The following PRELP variants were observed in gnomAD, a reference collection of about 807,000 sequenced individuals.
PRELP encodes the protein prolargin.
Under a neutral mutation model 22.8 loss-of-function variants are expected in PRELP, and 16 were observed. The observed-to-expected ratio is 0.70, with a 90% CI of 0.47 to 1.06. The LOEUF is 1.06. Among genes scored for constraint, PRELP ranks in the 50% least tolerant of loss-of-function variants. The pLI is 0.00. For synonymous variants in PRELP, 233 were observed against 211.4 expected (o/e 1.10, Z -0.89); for missense variants, 434 against 485.2 (o/e 0.89, Z 0.99).
Position 203,483,076 on chromosome 1 carries a change from G to C in PRELP, c.-16-93G>C, listed in dbSNP as rs537833335. The C allele has an allele frequency of 2.9e-6, 3 of 1,038,158 alleles. No individual in the cohort carries two copies. Among genetic ancestry groups the C allele is most frequent in the Non-Finnish European group, 4.3e-6 (3 of 705,620 alleles). 64.3% of individuals were successfully genotyped at this position (1,038,158 alleles called of 1,614,324 possible). A position where few individuals can be genotyped will look rare whatever the true frequency, so the allele number is the denominator to read the frequency against. Reference sequence around the variant, plus strand: ...CCCTGAGCTCTGCCCATCTTCCCTAGAGCTCTAGTTCTGCCCAACTCTGGC... The same window carrying C: ...CCCTGAGCTCTGCCCATCTTCCCTACAGCTCTAGTTCTGCCCAACTCTGGC... On this transcript the variant is annotated intron_variant, in intron 1 of 2. Transcript: ENST00000343110. The surrounding 1 kb of genome is among the most constrained non-coding windows in gnomAD (Gnocchi z 4.4).
intron 1 of PRELP, among the ~76,000 whole-genome samples, chr1:203,479,706 CAAAAAAAAAAAAAAAAAAAA>C (rs397844598): frequency 1.9e-5 from 1 of 52,490 alleles, no homozygotes; most frequent in Non-Finnish European, 3.5e-5. Flanking sequence ...CCTGTATCAC[CAAAAAAAAAAAAAAAAAAAA>C]AAAAAAAAAA....
chr1:203,479,129 A>G (rs1455759747), intron 1 of PRELP, among the ~76,000 whole-genome samples: 2 of 152,164 alleles, frequency 1.3e-5, no homozygotes, highest in Non-Finnish European at 2.9e-5. Flanking sequence ...GTGACCAATT[A>G]GACAGGAGAT....
rs1558232125 is a variant in PRELP at position 203,483,674 on chromosome 1, G to A, written c.490G>A (p.Glu164Lys). The A allele has an allele frequency of 6.2e-7, 1 of 1,614,222 alleles. No homozygotes were observed. Among genetic ancestry groups the A allele is most frequent in the Middle Eastern group, 1.6e-4 (1 of 6,062 alleles). The change falls in exon 2 of 3, where the codon GAG (glutamate) becomes AAG (lysine). Residue 164 changes from glutamate (E) to lysine (K), a missense_variant. Transcript: ENST00000343110. This position sits in a 1 kb window ranked among gnomAD's most constrained non-coding sequence, Gnocchi z 4.4. ...CTACATGGAGAAGAACCAGTTGGAA[G>A]AGGTCCCCTCGGCCCTGCCCCGGAA... is the stretch of plus-strand genomic sequence containing the variant. ...FLYMEKNQLEEVPSALPRNLE... is the reference protein window; with the variant it reads ...FLYMEKNQLEKVPSALPRNLE...
chr1:203,482,954 G>A (rs759227765), intron 1 of PRELP, among the ~76,000 whole-genome samples: 3 of 152,016 alleles, frequency 2.0e-5, no homozygotes, highest in South Asian at 2.1e-4. Context: ...TCAACACATC[G>A]AGTGGCTAAG....
chr1:203,479,936 T>C (rs1660972074), intron 1 of PRELP, among the ~76,000 whole-genome samples: 1 of 152,012 alleles, frequency 6.6e-6, no homozygotes, highest in Admixed American at 6.6e-5. Context: ...GAATTGAAAT[T>C]AGAATTTAAA....
rs371424577 is a variant in PRELP at position 203,483,640 on chromosome 1, G to A, written c.456G>A (p.Leu152=). ...DQRVLEKLPG[L]VFLYMEKNQL... is the part of the protein sequence containing the mutation. ...GGGTGCTGGAGAAACTGCCCGGCCT[G>A]GTGTTCCTCTACATGGAGAAGAACC... is the stretch of plus-strand genomic sequence containing the variant. The change falls in exon 2 of 3, where the codon CTG becomes CTA. Residue 152 remains leucine, a synonymous_variant. Transcript: ENST00000343110. This position sits in a 1 kb window ranked among gnomAD's most constrained non-coding sequence, Gnocchi z 4.4. 1.1e-5 allele frequency: 18 copies of A among 1,614,056 alleles called. No homozygotes were observed. In the African/African-American group the frequency reaches 2.4e-4, roughly 22 times the overall value.
In PRELP at chr1:203,475,817, C is replaced by G. The variant is rs552849612; in HGVS notation, c.-138C>G. 1 of 151,544 alleles carries G rather than the reference C, an allele frequency of 6.6e-6. No homozygotes were observed. The highest frequency in any genetic ancestry group is 1.5e-5 in the Non-Finnish European group (1 of 67,962). The allele number at this position is 151,544 out of a possible 1,614,324, so 9.4% of individuals were successfully genotyped here. On this transcript the variant is annotated 5_prime_UTR_variant, in exon 1 of 3. Coordinates refer to ENST00000343110, the MANE Select transcript of PRELP (RefSeq NM_002725.4). ...AAGAAAAGTCAGGCAAACACAAGCA[C>G]GCACACACCACTGGGAGATCAGATC...
At chr1:203,482,129 C>T (rs78399510) in intron 1 of PRELP, among the ~76,000 whole-genome samples, 328 of 152,148 alleles carry the variant, frequency 2.2e-3, no homozygotes, top group Non-Finnish European at 3.8e-3. Flanking sequence ...TTAACCAGGA[C>T]GCTAAGGTTC....
chr1:203,483,631 G>T lies in PRELP; in HGVS notation c.447G>T (p.Leu149=), dbSNP rs779637195. 3 of 1,614,172 alleles carry T rather than the reference G, an allele frequency of 1.9e-6. No homozygotes were observed. The South Asian group carries it at 3.3e-5, about 18-fold the overall frequency. Residue 149 remains leucine, a synonymous_variant, in exon 2 of 3, where the codon CTG becomes CTT. Coordinates refer to ENST00000343110, the MANE Select transcript of PRELP (RefSeq NM_002725.4). This position sits in a 1 kb window ranked among gnomAD's most constrained non-coding sequence, Gnocchi z 4.4. ...RKIDQRVLEK[L]PGLVFLYMEK... ...TAGACCAGAGGGTGCTGGAGAAACTGCCCGGCCTGGTGTTCCTCTACATGG... is the reference window on the plus strand; with the variant it reads ...TAGACCAGAGGGTGCTGGAGAAACTTCCCGGCCTGGTGTTCCTCTACATGG...
rs548524380 is a variant in PRELP at position 203,487,050 on chromosome 1, G to A, written c.*169G>A. 8.8e-5 allele frequency: 67 copies of A among 765,278 alleles called. No homozygotes were observed. In the African/African-American group the frequency reaches 1.1e-3, roughly 12 times the overall value. 47.4% of individuals were successfully genotyped at this position (765,278 alleles called of 1,614,324 possible). A position where few individuals can be genotyped will look rare whatever the true frequency, so the allele number is the denominator to read the frequency against. On this transcript the variant is annotated 3_prime_UTR_variant, in exon 3 of 3. Coordinates refer to ENST00000343110, the MANE Select transcript of PRELP (RefSeq NM_002725.4). Reference sequence around the variant, plus strand: ...TCTATTCTTCTGCAGCCTCAGGAGCGAGACTTCAAGGACTCAGTTTGGTTC... The same window carrying A: ...TCTATTCTTCTGCAGCCTCAGGAGCAAGACTTCAAGGACTCAGTTTGGTTC...
At chr1:203,486,438 T>C (rs1426267063) in intron 2 of PRELP, among the ~76,000 whole-genome samples, 1 of 152,218 alleles carries the variant, frequency 6.6e-6, no homozygotes, top group Non-Finnish European at 1.5e-5. Flanking sequence ...CTACCTATTC[T>C]TGAAGGCCCA....
chr1:203,478,326 G>A (rs1234380603), intron 1 of PRELP, among the ~76,000 whole-genome samples: 1 of 152,112 alleles, frequency 6.6e-6, no homozygotes, highest in African/African-American at 2.4e-5. Context: ...GGGGGAATGG[G>A]GCAGAGGATA....
In PRELP at chr1:203,480,766, C is replaced by T. The variant is rs952727722; in HGVS notation, c.-16-2403C>T. 4.0e-5 allele frequency among the ~76,000 whole-genome samples: 6 copies of T among 149,534 alleles called. No homozygotes were observed. The South Asian group carries it at 6.2e-4, about 15-fold the overall frequency. Reference sequence around the variant, plus strand: ...CTCCTGGGAGCATTTCCTGGGGAACCTCCTGTTGGCTCTGGGAGCAGCTTG... The same window carrying T: ...CTCCTGGGAGCATTTCCTGGGGAACTTCCTGTTGGCTCTGGGAGCAGCTTG... On this transcript the variant is annotated intron_variant, in intron 1 of 2. Transcript: ENST00000343110.
In PRELP at chr1:203,483,995, A is replaced by G. The variant is rs758666053; in HGVS notation, c.811A>G (p.Ile271Val). The G allele has an allele frequency of 3.0e-5, 49 of 1,614,232 alleles. No homozygotes were observed. Among genetic ancestry groups the G allele is most frequent in the Middle Eastern group, 1.6e-4 (1 of 6,062 alleles). The change falls in exon 2 of 3, where the codon ATT (isoleucine) becomes GTT (valine). Residue 271 changes from isoleucine to valine, a missense_variant. Transcript: ENST00000343110. The surrounding 1 kb of genome is among the most constrained non-coding windows in gnomAD (Gnocchi z 4.4). The stretch of plus-strand genomic sequence containing the variant: ...CAAGAGCTTTCCCAATCTTGCCTTC[A>G]TTCGGCTTAACTACAACAAGCTGAC... ...YFKSFPNLAF[I>V]RLNYNKLTDR... is the part of the protein sequence containing the mutation.
At chr1:203,476,512 A>T (rs1403520450) in intron 1 of PRELP, among the ~76,000 whole-genome samples, 1 of 151,684 alleles carries the variant, frequency 6.6e-6, no homozygotes, top group Non-Finnish European at 1.5e-5. Flanking sequence ...TCTCACACAC[A>T]CCTCCCTAGC....
intron 2 of PRELP, 151 bp downstream of exon 2, chr1:203,484,308 G>C: frequency 7.8e-7 from 1 of 1,276,560 alleles, no homozygotes; most frequent in African/African-American, 1.5e-5. Context: ...CTTGCTATCT[G>C]GGTGACCTTG....
At chr1:203,478,591 G>A (rs570358449) in intron 1 of PRELP, among the ~76,000 whole-genome samples, 1 of 152,174 alleles carries the variant, frequency 6.6e-6, no homozygotes, top group African/African-American at 2.4e-5. Flanking sequence ...ATTGGGTAAG[G>A]AATATAGGTA....
chr1:203,479,976 A>G (rs1338641971), intron 1 of PRELP, among the ~76,000 whole-genome samples: 1 of 152,188 alleles, frequency 6.6e-6, no homozygotes, highest in Admixed American at 6.5e-5. Context: ...GCAGTGGCTC[A>G]CACCTGTAAT....
chr1:203,483,403 T>G lies in PRELP; in HGVS notation c.219T>G (p.Cys73Trp). 1.2e-6 allele frequency: 2 copies of G among 1,613,996 alleles called. No homozygotes were observed. Among genetic ancestry groups the G allele is most frequent in the African/African-American group, 1.3e-5 (1 of 75,004 alleles). The change falls in exon 2 of 3, where the codon TGT (cysteine) becomes TGG (tryptophan). Residue 73 changes from cysteine (C) to tryptophan (W), a missense_variant. Physicochemically the swap from Cys to Trp is radical, Grantham distance 215 (BLOSUM62 -2). Coordinates refer to ENST00000343110, the MANE Select transcript of PRELP (RefSeq NM_002725.4). This position sits in a 1 kb window ranked among gnomAD's most constrained non-coding sequence, Gnocchi z 4.4. ...PPGPPSIFPD[C>W]PRECYCPPDF... ...GCCCTCCATCTATCTTCCCTGACTG[T>G]CCCCGCGAATGCTACTGCCCCCCTG...
Sources: gnomAD v4.1 joint callset for allele counts (sites outside exome capture counted in the v4.1 genomes callset) on GRCh38, gnomAD v4.1.1 for gene constraint, Gnocchi (gnomAD v3.1) non-coding constraint, MANE v1.5 for transcripts, NCBI Gene and HGNC (gene_info 2026-07-23, HGNC 2026-07-21) for gene names.